Variants in NUGGC observed in about 807,000 individuals in gnomAD.
The protein encoded by NUGGC is nuclear GTPase SLIP-GC.
In NUGGC, 58 loss-of-function variants were observed where a neutral mutation model predicts 92.6. That is an observed-to-expected ratio of 0.63 (90% CI 0.51 to 0.78). The LOEUF is 0.78. Among genes scored for constraint, NUGGC ranks in the 30% least tolerant of loss-of-function variants. NUGGC has a pLI of 0.00. For synonymous variants in NUGGC, 376 were observed against 366.4 expected (o/e 1.03, Z -0.30); for missense variants, 925 against 964.6 (o/e 0.96, Z 0.54).
At chr8:28,045,756 T>C in intron 11 of NUGGC, 96 bp from the exon 12 acceptor site, 2 of 1,349,024 alleles carry the variant, frequency 1.5e-6, no homozygotes, top group Non-Finnish European at 2.0e-6. Flanking sequence ...GCGATATGAA[T>C]GAAGTAGAGT....
intron 11 of NUGGC, among the ~76,000 whole-genome samples, chr8:28,047,284 C>T (rs920907067): frequency 3.3e-5 from 5 of 152,044 alleles, no homozygotes; most frequent in African/African-American, 9.7e-5. Context: ...AATTATTTGA[C>T]CTTTACCAAC....
rs1406543818 is a variant in NUGGC at position 28,067,517 on chromosome 8, T to C, written c.708A>G (p.Glu236=). 6.2e-7 allele frequency: 1 copy of C among 1,601,936 alleles called. No homozygotes were observed. The change falls in exon 6 of 19, where the codon GAA becomes GAG. Residue 236 remains glutamate, a synonymous_variant. Transcript: ENST00000413272. ...GAAAAAACGAACTTGACGCTACCTCTTCCGCCTTGAGGGTGATGACTCTGG... is the reference window on the plus strand; with the variant it reads ...GAAAAAACGAACTTGACGCTACCTCCTCCGCCTTGAGGGTGATGACTCTGG... ...PTSRVITLKA[E]EAEELSIKLD...
intron 9 of NUGGC, among the ~76,000 whole-genome samples, chr8:28,056,370 CGGG>C (rs2130188880): frequency 6.6e-6 from 1 of 150,754 alleles, no homozygotes; most frequent in Non-Finnish European, 1.5e-5. Context: ...CCCAGCTACT[CGGG>C]AGGCTGAGGC....
intron 2 of NUGGC, among the ~76,000 whole-genome samples, chr8:28,073,803 A>G (rs1272650841): frequency 6.6e-6 from 1 of 151,928 alleles, no homozygotes; most frequent in African/African-American, 2.4e-5. Context: ...ACTTTCTGGA[A>G]CATTATTATT....
chr8:28,047,509 G>A lies in NUGGC; in HGVS notation c.1310C>T (p.Thr437Met), dbSNP rs377530264. Residue 437 changes from threonine (T) to methionine (M), a missense_variant and splice_region_variant, in exon 11 of 19, where the codon ACG (threonine) becomes ATG (methionine). Coordinates refer to ENST00000413272, the MANE Select transcript of NUGGC (RefSeq NM_001010906.2). ...GAGATTTAAAAAACATAAATTACCC[G>A]TTTCCTCCTCGGTGAGGAGAGCCTG... ...WQQALLTEEE[T>M]EIPKLREYIR... 2.5e-5 allele frequency: 39 copies of A among 1,532,796 alleles called. No individual in the cohort carries two copies. Among genetic ancestry groups the A allele is most frequent in the Middle Eastern group, 1.7e-4 (1 of 5,968 alleles). The allele number at this position is 1,532,796 out of a possible 1,614,324, so 94.9% of individuals were successfully genotyped here.
chr8:28,075,825 A>T (rs2130281306), intron 1 of NUGGC, among the ~76,000 whole-genome samples: 1 of 152,216 alleles, frequency 6.6e-6, no homozygotes, highest in Admixed American at 6.5e-5. Context: ...CAAGATTCTG[A>T]GTCTTAGGTA....
intron 13 of NUGGC, among the ~76,000 whole-genome samples, chr8:28,040,686 C>G (rs967346496): frequency 2.0e-5 from 3 of 150,538 alleles, no homozygotes; most frequent in African/African-American, 7.3e-5. Flanking sequence ...CTCACTCTCT[C>G]GCCAGGCTGG....
At chr8:28,073,005 ATTT>A (rs5890399) in intron 2 of NUGGC, among the ~76,000 whole-genome samples, 6 of 140,850 alleles carry the variant, frequency 4.3e-5, no homozygotes, top group African/African-American at 2.7e-5. Flanking sequence ...GACTGTTGAA[ATTT>A]TTTTTTTTTT....
intron 1 of NUGGC, among the ~76,000 whole-genome samples, chr8:28,082,437 A>C (rs909594213): frequency 1.6e-4 from 24 of 152,250 alleles, no homozygotes; most frequent in African/African-American, 5.1e-4. Flanking sequence ...ATAAGATGAC[A>C]CTTCCCTCCT....
chr8:28,048,245 G>T lies in NUGGC; in HGVS notation c.1207-633C>A, dbSNP rs1271768618. Among the ~76,000 whole-genome samples the T allele has an allele frequency of 2.0e-5, 3 of 152,182 alleles. No homozygotes were observed. In the East Asian group the frequency reaches 5.8e-4, roughly 29 times the overall value. On this transcript the variant is annotated intron_variant, in intron 10 of 18. Coordinates refer to ENST00000413272, the MANE Select transcript of NUGGC (RefSeq NM_001010906.2). Reference sequence around the variant, plus strand: ...TGAAATTGAGATGCATCTTGCAACTGCTATAGACCAGGTGACAATCACAAG... The same window carrying T: ...TGAAATTGAGATGCATCTTGCAACTTCTATAGACCAGGTGACAATCACAAG...
rs140422453 is a variant in NUGGC at position 28,063,902 on chromosome 8, C to T, written c.921+620G>A. ...GTTCCTCCCACCCTGTGCTCCAGAG[C>T]GCCTCTGTTTACCGCGCCCTTTCTC... is the stretch of plus-strand genomic sequence containing the variant. On this transcript the variant is annotated intron_variant, in intron 7 of 18. Coordinates refer to ENST00000413272, the MANE Select transcript of NUGGC (RefSeq NM_001010906.2). Among the ~76,000 whole-genome samples, 899 of 152,282 alleles carry T rather than the reference C, an allele frequency of 5.9e-3. 8 individuals are homozygous for T. The highest frequency in any genetic ancestry group is 0.021 in the African/African-American group (872 of 41,558).
chr8:28,052,630 G>T (rs111571330), intron 10 of NUGGC, among the ~76,000 whole-genome samples: 5 of 152,150 alleles, frequency 3.3e-5, no homozygotes, highest in African/African-American at 1.2e-4. Context: ...GGAGCATGGC[G>T]CTGCTAATAC....
At position 28,029,357 on chromosome 8, in the gene NUGGC, T is replaced by A; in HGVS notation, c.2063A>T (p.Asp688Val). The change falls in exon 17 of 19, where the codon GAT becomes GTT. Residue 688 changes from aspartate to valine, a missense_variant. Coordinates refer to ENST00000413272, the MANE Select transcript of NUGGC (RefSeq NM_001010906.2). ...TGKKACERMK[D>V]AIRRGVDRQV... ...CCGGTCCACTCCTCTTCTGATGGCA[T>A]CTTTCATCCGCTCACACGCTTTTTT... 6.2e-7 allele frequency: 1 copy of A among 1,612,570 alleles called. No individual in the cohort carries two copies. The highest frequency in any genetic ancestry group is 8.5e-7 in the Non-Finnish European group (1 of 1,179,308).
At chr8:28,046,389 C>T (rs1809834461) in intron 11 of NUGGC, among the ~76,000 whole-genome samples, 1 of 152,184 alleles carries the variant, frequency 6.6e-6, no homozygotes, top group Middle Eastern at 3.2e-3. Context: ...GATGAGAATG[C>T]AGTCCTGACC....
chr8:28,045,897 A>G (rs1313938578), intron 11 of NUGGC, among the ~76,000 whole-genome samples: 2 of 152,192 alleles, frequency 1.3e-5, no homozygotes, highest in East Asian at 3.9e-4. Flanking sequence ...TAGCCGTATT[A>G]AAAAAACTAC....
intron 8 of NUGGC, among the ~76,000 whole-genome samples, chr8:28,059,937 C>T (rs879596534): frequency 5.3e-5 from 8 of 152,008 alleles, no homozygotes; most frequent in African/African-American, 9.7e-5. Flanking sequence ...AGGAGAATTG[C>T]TTGAACCCAG....
In NUGGC at chr8:28,026,954, G is replaced by A. The variant is rs747770461; in HGVS notation, c.2245+8C>T. 1.5e-5 allele frequency: 24 copies of A among 1,597,636 alleles called. No individual in the cohort carries two copies. The highest frequency in any genetic ancestry group is 5.4e-5 in the African/African-American group (4 of 74,548). On this transcript the variant is annotated splice_region_variant and intron_variant, in intron 18 of 18. Coordinates refer to ENST00000413272, the MANE Select transcript of NUGGC (RefSeq NM_001010906.2). ...ATCACCCTGTATACAAAGCTTTGGC[G>A]TATTTACCTGCAAGCTCCTTGTAGA... is the stretch of plus-strand genomic sequence containing the variant.
At position 28,023,374 on chromosome 8, in the gene NUGGC, T is replaced by C. The variant is rs1809168182; in HGVS notation, c.2334A>G (p.Gln778=). ...AENARLRKGM[Q]EFLLRASPSK... ...TGGGGGATGCCCTTAGGAGGAATTCTTGCATGCCCTTCCTCAGCCGTGCAT... is the reference window on the plus strand; with the variant it reads ...TGGGGGATGCCCTTAGGAGGAATTCCTGCATGCCCTTCCTCAGCCGTGCAT... The change falls in exon 19 of 19, where the codon CAA becomes CAG. Residue 778 remains glutamine, a synonymous_variant. Coordinates refer to ENST00000413272, the MANE Select transcript of NUGGC (RefSeq NM_001010906.2). The C allele has an allele frequency of 1.2e-6, 2 of 1,613,926 alleles. No homozygotes were observed. Among genetic ancestry groups the C allele is most frequent in the Admixed American group, 1.7e-5 (1 of 60,008 alleles).
At chr8:28,064,097 C>T (rs893825048) in intron 7 of NUGGC, among the ~76,000 whole-genome samples, 1 of 152,206 alleles carries the variant, frequency 6.6e-6, no homozygotes, top group African/African-American at 2.4e-5. Context: ...ACCCTGCCCC[C>T]ACCACGCCAG....
Sources: allele counts gnomAD v4.1 joint callset (sites outside exome capture counted in the v4.1 genomes callset), GRCh38; gene constraint gnomAD v4.1.1; transcripts MANE v1.5; gene names NCBI Gene and HGNC (gene_info 2026-07-23, HGNC 2026-07-21).